PPP1R13B: variants seen among roughly 807,000 people sequenced by gnomAD.
PPP1R13B encodes protein phosphatase 1 regulatory subunit 13B, also known as apoptosis-stimulating of p53 protein 1.
Under a neutral mutation model 119.8 loss-of-function variants are expected in PPP1R13B, and 44 were observed. The observed-to-expected ratio is 0.37, with a 90% CI of 0.29 to 0.47. PPP1R13B has a LOEUF of 0.47. Among genes scored for constraint, PPP1R13B ranks in the 20% least tolerant of loss-of-function variants. PPP1R13B has a pLI of 0.99. For synonymous variants in PPP1R13B, 542 were observed against 561.5 expected (o/e 0.97, Z 0.49); for missense variants, 1,227 against 1,413.5 (o/e 0.87, Z 2.12).
intron 4 of PPP1R13B, chr14:103,762,791 C>T: frequency 2.6e-6 from 2 of 773,236 alleles, no homozygotes. Flanking sequence ...GCGGCGGCCG[C>T]CCGCTCCAGC....
At chr14:103,765,810 T>C (rs2084923872) in intron 4 of PPP1R13B, among the ~76,000 whole-genome samples, 1 of 152,086 alleles carries the variant, frequency 6.6e-6, no homozygotes, top group African/African-American at 2.4e-5. Flanking sequence ...AGGATGTTTA[T>C]TCACTTTCAG....
intron 3 of PPP1R13B, among the ~76,000 whole-genome samples, chr14:103,784,577 T>A (rs112779773): frequency 1.0e-5 from 1 of 98,274 alleles, no homozygotes; most frequent in Non-Finnish European, 1.8e-5. Context: ...AGTGAGACTC[T>A]GTCTCCAAAA....
chr14:103,766,796 T>G (rs1486268088), intron 4 of PPP1R13B, among the ~76,000 whole-genome samples: 5 of 151,702 alleles, frequency 3.3e-5, no homozygotes, highest in Non-Finnish European at 7.4e-5. Context: ...TTAGTAGAGA[T>G]GGGTTTCACC....
At chr14:103,839,834 G>A (rs188662191) in intron 1 of PPP1R13B, among the ~76,000 whole-genome samples, 1 of 152,142 alleles carries the variant, frequency 6.6e-6, no homozygotes, top group East Asian at 1.9e-4. Flanking sequence ...GCATTTTCTT[G>A]AGCTATGATA....
intron 1 of PPP1R13B, among the ~76,000 whole-genome samples, chr14:103,843,504 G>T (rs985946489): frequency 6.6e-6 from 1 of 152,084 alleles, no homozygotes; most frequent in Admixed American, 6.5e-5. Flanking sequence ...AGATCTTAGG[G>T]ACTAAACAAA....
At chr14:103,766,547 G>GTAA (rs1336180209) in intron 4 of PPP1R13B, among the ~76,000 whole-genome samples, 2 of 152,004 alleles carry the variant, frequency 1.3e-5, no homozygotes, top group Non-Finnish European at 2.9e-5. Context: ...ATGTCAAAGG[G>GTAA]TAAACACGCT....
intron 15 of PPP1R13B, chr14:103,736,688 C>A: frequency 6.4e-6 from 1 of 157,466 alleles, no homozygotes; most frequent in Admixed American, 6.1e-5. Context: ...GCTTCCCTTC[C>A]CTGTGGTGGT....
At chr14:103,794,788 A>G in intron 2 of PPP1R13B, 1 of 277,508 alleles carries the variant, frequency 3.6e-6, no homozygotes. Context: ...TCCTAGATCC[A>G]GCTTCGTTGG....
chr14:103,773,932 A>G (rs1340288088), intron 4 of PPP1R13B, among the ~76,000 whole-genome samples: 1 of 152,222 alleles, frequency 6.6e-6, no homozygotes, highest in African/African-American at 2.4e-5. Context: ...CTTGGGCACC[A>G]TATGGAAAAC....
At chr14:103,774,104 A>T (rs547361928) in intron 4 of PPP1R13B, among the ~76,000 whole-genome samples, 1 of 152,352 alleles carries the variant, frequency 6.6e-6, no homozygotes, top group Admixed American at 6.5e-5. Flanking sequence ...AAAAGAATTA[A>T]TTTGAATCCT....
At position 103,765,184 on chromosome 14, in the gene PPP1R13B, G is replaced by A. The variant is rs1224965207; in HGVS notation, c.355-7433C>T. Among the ~76,000 whole-genome samples, 93 of 152,260 alleles carry A rather than the reference G, an allele frequency of 6.1e-4. 1 individual carries two copies. Among genetic ancestry groups the A allele is most frequent in the Admixed American group, 6.0e-3 (91 of 15,288 alleles). ...CTGAGGTGTTTGTCACATTTTGTTC[G>A]TGATGTCTTATTTCCTTGTGCACGT... is the stretch of plus-strand genomic sequence containing the variant. On this transcript the variant is annotated intron_variant, in intron 4 of 16. Coordinates refer to ENST00000202556, the MANE Select transcript of PPP1R13B (RefSeq NM_015316.3).
At chr14:103,846,929 G>A in intron 1 of PPP1R13B, 1 of 1,163,654 alleles carries the variant, frequency 8.6e-7, no homozygotes, top group Non-Finnish European at 1.1e-6. Context: ...GACTCCCAGG[G>A]CGACCCCAGA....
At chr14:103,819,001 G>A (rs1013477886) in intron 1 of PPP1R13B, among the ~76,000 whole-genome samples, 1 of 152,172 alleles carries the variant, frequency 6.6e-6, no homozygotes, top group African/African-American at 2.4e-5. Context: ...TAAGTTGGAA[G>A]GGGAACAAAA....
At chr14:103,819,034 G>T (rs1158764343) in intron 1 of PPP1R13B, among the ~76,000 whole-genome samples, 1 of 152,100 alleles carries the variant, frequency 6.6e-6, no homozygotes, top group Non-Finnish European at 1.5e-5. Context: ...GAGGAGAAAG[G>T]ATGAGCCATA....
chr14:103,789,670 C>T (rs1206559564), intron 2 of PPP1R13B, among the ~76,000 whole-genome samples: 1 of 151,918 alleles, frequency 6.6e-6, no homozygotes, highest in African/African-American at 2.4e-5. Flanking sequence ...TGCACTACCA[C>T]GCCCAGCTAA....
At position 103,750,833 on chromosome 14, in the gene PPP1R13B, AAAAC is replaced by A. The variant is rs202008591; in HGVS notation, c.829-903_829-900del. 7.6e-3 allele frequency among the ~76,000 whole-genome samples: 1,115 copies of A among 146,996 alleles called. 18 individuals carry two copies. The highest frequency in any genetic ancestry group is 0.027 in the African/African-American group (1,066 of 39,654). ...GTGACAGAGGCAGACTCTGTCTCAAAAAACAAACAAACAAAAAACAACAATAAAA... is the reference window on the plus strand; with the variant it reads ...GTGACAGAGGCAGACTCTGTCTCAAAAAACAAACAAAAAACAACAATAAAA... On this transcript the variant is annotated intron_variant, in intron 7 of 16. Coordinates refer to ENST00000202556, the MANE Select transcript of PPP1R13B (RefSeq NM_015316.3).
intron 7 of PPP1R13B, among the ~76,000 whole-genome samples, chr14:103,752,297 T>C (rs2084567354): frequency 6.6e-6 from 1 of 152,162 alleles, no homozygotes; most frequent in South Asian, 2.1e-4. Context: ...TCCATTCATA[T>C]GAAACGTCCA....
Position 103,749,869 on chromosome 14 carries a change from C to A in PPP1R13B, c.894G>T (p.Lys298Asn), listed in dbSNP as rs778456667. The A allele has an allele frequency of 6.2e-7, 1 of 1,614,176 alleles. No individual in the cohort carries two copies. Among genetic ancestry groups the A allele is most frequent in the Non-Finnish European group, 8.5e-7 (1 of 1,180,030 alleles). The change falls in exon 8 of 17, where the codon AAG (lysine) becomes AAT (asparagine). Residue 298 changes from lysine to asparagine, a missense_variant. Lys to Asn is a moderately conservative substitution (Grantham distance 94). Transcript: ENST00000202556. ...KLQQQKELLNKRNMEVAMMDK... is the reference protein window; with the variant it reads ...KLQQQKELLNNRNMEVAMMDK... ...CCATCATGGCCACCTCCATGTTGCG[C>A]TTATTTAAGAGTTCCTTCTGCTGCT...
At chr14:103,744,410 C>T (rs1467364995) in intron 9 of PPP1R13B, among the ~76,000 whole-genome samples, 1 of 152,202 alleles carries the variant, frequency 6.6e-6, no homozygotes, top group African/African-American at 2.4e-5. Context: ...CACACTCTTT[C>T]TAAGGATGGG....
Sources: gnomAD v4.1 joint callset for allele counts (sites outside exome capture counted in the v4.1 genomes callset) on GRCh38, gnomAD v4.1.1 for gene constraint, MANE v1.5 for transcripts, NCBI Gene and HGNC (gene_info 2026-07-23, HGNC 2026-07-21) for gene names.